The following ZNF462 variants were observed in gnomAD, a reference collection of about 807,000 sequenced individuals.
The protein encoded by ZNF462 is zinc finger protein 462.
A neutral mutation model predicts 201.9 loss-of-function variants in ZNF462; 10 were observed. The observed-to-expected ratio is 0.05, with a 90% confidence interval of 0.03 to 0.08. The LOEUF (loss-of-function observed/expected upper bound fraction) is 0.08, where lower values mean the gene tolerates loss of function less well. Ranked by LOEUF, ZNF462 falls within the 10% of genes least tolerant of loss-of-function variation. The pLI is 1.00. For missense variants in ZNF462, 2,523 were observed against 3,168.3 expected (o/e 0.80, Z 4.89); for synonymous variants, 1,227 against 1,193.3 (o/e 1.03, Z -0.58).
Position 106,935,371 on chromosome 9 carries a change from C to T in ZNF462, c.6117-132C>T. On this transcript the variant is annotated intron_variant, in intron 5 of 12. Transcript: ENST00000277225. This position sits in a 1 kb window ranked among gnomAD's most constrained non-coding sequence, Gnocchi z 4.1. ...AATTAATTAATTAAATTGATAAATGCCATTATTGGAAAGTAAACAAAAGGA... is the reference window on the plus strand; with the variant it reads ...AATTAATTAATTAAATTGATAAATGTCATTATTGGAAAGTAAACAAAAGGA... The T allele has an allele frequency of 6.2e-6, 4 of 643,316 alleles. No individual in the cohort carries two copies. The highest frequency in any genetic ancestry group is 1.1e-5 in the Non-Finnish European group (4 of 373,370). 39.9% of individuals were successfully genotyped at this position (643,316 alleles called of 1,614,324 possible).
intron 7 of ZNF462, 107 bp downstream of exon 7, chr9:106,939,214 G>C: frequency 8.4e-7 from 1 of 1,189,944 alleles, no homozygotes; most frequent in Non-Finnish European, 1.2e-6. Flanking sequence ...AAACATGATG[G>C]TTCAAGTGAA....
intron 7 of ZNF462, among the ~76,000 whole-genome samples, chr9:106,939,448 A>G (rs1230559051): frequency 1.3e-5 from 2 of 152,164 alleles, no homozygotes; most frequent in East Asian, 3.9e-4. Flanking sequence ...GTTTGTTTTT[A>G]TTTATATCCT....
chr9:107,001,536 G>C (rs1288223912), intron 10 of ZNF462, among the ~76,000 whole-genome samples: 1 of 152,142 alleles, frequency 6.6e-6, no homozygotes, highest in Non-Finnish European at 1.5e-5. Flanking sequence ...ACTCGGGTCT[G>C]TCTGACTTCA....
intron 1 of ZNF462, among the ~76,000 whole-genome samples, chr9:106,904,476 C>G (rs554204629): frequency 6.6e-6 from 1 of 152,290 alleles, no homozygotes; most frequent in Non-Finnish European, 1.5e-5. Flanking sequence ...CTGTCTAGGT[C>G]TCTCACAAGG....
intron 7 of ZNF462, among the ~76,000 whole-genome samples, chr9:106,969,083 G>A (rs1221880309): frequency 1.3e-5 from 2 of 152,120 alleles, no homozygotes; most frequent in Non-Finnish European, 2.9e-5. Context: ...GAGCGAGAGC[G>A]AAATTGAGAA....
At chr9:106,899,250 G>T (rs1247860969) in intron 1 of ZNF462, among the ~76,000 whole-genome samples, 5 of 134,984 alleles carry the variant, frequency 3.7e-5, no homozygotes, top group Non-Finnish European at 7.9e-5. Context: ...GGGGGGGGGG[G>T]GGTGTGTGCA....
chr9:106,910,795 T>C (rs1829518607), intron 1 of ZNF462, among the ~76,000 whole-genome samples: 1 of 152,210 alleles, frequency 6.6e-6, no homozygotes, highest in African/African-American at 2.4e-5. Context: ...TTGGTTAGCC[T>C]AAAGCATATA....
Position 106,946,535 on chromosome 9 carries a change from A to G in ZNF462, c.6427+7428A>G, listed in dbSNP as rs926599947. On this transcript the variant is annotated intron_variant, in intron 7 of 12. Transcript: ENST00000277225. ...TCTGTTCTGTGTGAGAGGATTTTAC[A>G]TAGGCAGAAGGAAGGGTATTTGAGT... 3.3e-5 allele frequency among the ~76,000 whole-genome samples: 5 copies of G among 152,288 alleles called. No homozygotes were observed. In the East Asian group the frequency reaches 5.8e-4, roughly 18 times the overall value.
At position 106,924,176 on chromosome 9, in the gene ZNF462, C is replaced by T; in HGVS notation, c.264C>T (p.His88=). ...TSLGTGGYYG[H]SPGYYGQHIA... ...TGGGGACCGGAGGTTACTATGGCCA[C>T]AGTCCAGGATATTATGGTCAGCATA... is the stretch of plus-strand genomic sequence containing the variant. Residue 88 remains histidine, a synonymous_variant, in exon 3 of 13, where the codon CAC becomes CAT. Transcript: ENST00000277225. This position sits in a 1 kb window ranked among gnomAD's most constrained non-coding sequence, Gnocchi z 6.2. 2 of 1,612,064 alleles carry T rather than the reference C, an allele frequency of 1.2e-6. No individual in the cohort carries two copies. Among genetic ancestry groups the T allele is most frequent in the Non-Finnish European group, 1.7e-6 (2 of 1,179,518 alleles).
chr9:106,958,795 T>C (rs1420172883), intron 7 of ZNF462, among the ~76,000 whole-genome samples: 5 of 152,040 alleles, frequency 3.3e-5, no homozygotes, highest in Non-Finnish European at 7.4e-5. Context: ...AGAAGTGCTA[T>C]CAAGAGAAAG....
At chr9:106,908,930 TATATATATATA>T (rs202015709) in intron 1 of ZNF462, among the ~76,000 whole-genome samples, 8 of 36,630 alleles carry the variant, frequency 2.2e-4, no homozygotes, top group African/African-American at 6.4e-4. Flanking sequence ...TATATATATA[TATATATATATA>T]TTTTTTTTTT....
At chr9:106,990,667 C>T (rs1588169417) in intron 10 of ZNF462, among the ~76,000 whole-genome samples, 1 of 151,930 alleles carries the variant, frequency 6.6e-6, no homozygotes, top group African/African-American at 2.4e-5. Context: ...CCAGTGAGCA[C>T]CTAATTGAAG....
chr9:106,964,481 TG>T (rs1229345477), intron 7 of ZNF462, among the ~76,000 whole-genome samples: 1 of 152,092 alleles, frequency 6.6e-6, no homozygotes, highest in African/African-American at 2.4e-5. Context: ...TTCCTTTGAT[TG>T]AAGTTCCCTG....
At position 106,974,416 on chromosome 9, in the gene ZNF462, C is replaced by A; in HGVS notation, c.6832+143C>A. 1.5e-6 allele frequency: 2 copies of A among 1,323,142 alleles called. No individual in the cohort carries two copies. The highest frequency in any genetic ancestry group is 2.2e-6 in the Non-Finnish European group (2 of 920,570). The allele number at this position is 1,323,142 out of a possible 1,614,324, so 82.0% of individuals were successfully genotyped here. A position where few individuals can be genotyped will look rare whatever the true frequency, so the allele number is the denominator to read the frequency against. On this transcript the variant is annotated intron_variant, in intron 9 of 12. Transcript: ENST00000277225. The surrounding 1 kb of genome is among the most constrained non-coding windows in gnomAD (Gnocchi z 4.0). ...TCAGGCAAGAAACCACAGTGATAAC[C>A]ACAGTGACAGCCAAAAGGGCAAAAA...
chr9:106,968,910 C>T lies in ZNF462; in HGVS notation c.6428-3095C>T, dbSNP rs938919300. ...TTGCCTTTCTAACCTGGGCACAGAA[C>T]GACCTCCTTCCTGCTCTTCAGGCCA... On this transcript the variant is annotated intron_variant, in intron 7 of 12. Transcript: ENST00000277225. This position sits in a 1 kb window ranked among gnomAD's most constrained non-coding sequence, Gnocchi z 4.0. Among the ~76,000 whole-genome samples, 10 of 152,168 alleles carry T rather than the reference C, an allele frequency of 6.6e-5. No individual in the cohort carries two copies. The highest frequency in any genetic ancestry group is 2.4e-4 in the African/African-American group (10 of 41,444).
intron 6 of ZNF462, among the ~76,000 whole-genome samples, chr9:106,936,571 A>C: frequency 6.6e-6 from 1 of 152,246 alleles, no homozygotes; most frequent in East Asian, 1.9e-4. Context: ...GGGACAGGGA[A>C]GTTAGCTATA....
chr9:106,924,755 A>G lies in ZNF462; in HGVS notation c.843A>G (p.Glu281=), dbSNP rs1005358748. 3 of 1,614,172 alleles carry G rather than the reference A, an allele frequency of 1.9e-6. No homozygotes were observed. The highest frequency in any genetic ancestry group is 1.3e-5 in the African/African-American group (1 of 75,040). ...KILSSLRQQQ[E]GTNLPDVPNK... is the part of the protein sequence containing the mutation. ...TTTCCAGTCTCAGACAGCAACAAGA[A>G]GGAACTAATCTACCTGATGTGCCGA... The change falls in exon 3 of 13, where the codon GAA becomes GAG. Residue 281 remains glutamate (E), a synonymous_variant. Transcript: ENST00000277225. The surrounding 1 kb of genome is among the most constrained non-coding windows in gnomAD (Gnocchi z 6.2).
chr9:106,921,749 A>C (rs746780735), intron 1 of ZNF462, among the ~76,000 whole-genome samples: 1 of 152,188 alleles, frequency 6.6e-6, no homozygotes, highest in Non-Finnish European at 1.5e-5. Flanking sequence ...GGACTGTGCG[A>C]AAGGAGAAGT....
chr9:106,927,204 T>TGGCCCCCCCCCCCCCCCCCCCCCCCCC lies in ZNF462; in HGVS notation c.3292_3293insGGCCCCCCCCCCCCCCCCCCCCCCCCC (p.Ser1098delinsTrpProProProProProProProProPro). The TGGCCCCCCCCCCCCCCCCCCCCCCCCC allele has an allele frequency of 6.4e-7, 1 of 1,570,220 alleles. No homozygotes were observed. ...GTCTCCCAAAATGTCCAACATGGGT[T>TGGCCCCCCCCCCCCCCCCCCCCCCCCC]CCCCACCCCCCCCACAACCCCCGCC... On this transcript the variant is annotated protein_altering_variant, in exon 3 of 13. Transcript: ENST00000277225.
Sources: allele counts gnomAD v4.1 joint callset (sites outside exome capture counted in the v4.1 genomes callset), GRCh38; gene constraint gnomAD v4.1.1; non-coding constraint Gnocchi (gnomAD v3.1); transcripts MANE v1.5; gene names NCBI Gene and HGNC (gene_info 2026-07-23, HGNC 2026-07-21).